RORB: variants seen among roughly 807,000 people sequenced by gnomAD.
RORB encodes nuclear receptor ROR-beta.
RORB carries 6 observed loss-of-function variants against 59.1 expected under a neutral mutation model. The observed-to-expected ratio is 0.10, with a 90% CI of 0.06 to 0.20. The LOEUF (loss-of-function observed/expected upper bound fraction) is 0.20. Ranked by LOEUF, RORB falls within the 10% of genes least tolerant of loss-of-function variation. RORB has a pLI of 1.00. For missense variants in RORB, 320 were observed against 560.5 expected, an observed-to-expected ratio of 0.57 and a Z score of 4.33; for synonymous variants, 215 against 204.5, an observed-to-expected ratio of 1.05 and a Z score of -0.44.
intron 1 of RORB, among the ~76,000 whole-genome samples, chr9:74,503,226 A>AT (rs1825825456): frequency 6.6e-6 from 1 of 151,992 alleles, no homozygotes; most frequent in Non-Finnish European, 1.5e-5. Context: ...TATTCCTGTA[A>AT]TTTTGTAATC....
At chr9:74,505,979 A>G (rs1825865434) in intron 1 of RORB, among the ~76,000 whole-genome samples, 1 of 151,920 alleles carries the variant, frequency 6.6e-6, no homozygotes, top group South Asian at 2.1e-4. Context: ...TGTTTTAAAA[A>G]AAAAAAAGTA....
At chr9:74,593,139 A>C (rs1822924271) in intron 1 of RORB, among the ~76,000 whole-genome samples, 2 of 152,140 alleles carry the variant, frequency 1.3e-5, no homozygotes, top group Admixed American at 1.3e-4. Flanking sequence ...TACTGATTGC[A>C]AGTCAGGCAC....
At chr9:74,530,362 A>T (rs184111644) in intron 1 of RORB, among the ~76,000 whole-genome samples, 53 of 152,152 alleles carry the variant, frequency 3.5e-4, no homozygotes, top group African/African-American at 1.1e-3. Flanking sequence ...AGTATCTGTA[A>T]AGGTGACACT....
At chr9:74,684,806 G>T (rs914523544) in intron 9 of RORB, among the ~76,000 whole-genome samples, 1 of 152,148 alleles carries the variant, frequency 6.6e-6, no homozygotes, top group Non-Finnish European at 1.5e-5. Flanking sequence ...CTCTACAAGT[G>T]GGTTAGTGAG....
At chr9:74,611,902 G>A (rs1199217866) in intron 1 of RORB, among the ~76,000 whole-genome samples, 3 of 151,982 alleles carry the variant, frequency 2.0e-5, no homozygotes, top group Non-Finnish European at 4.4e-5. Flanking sequence ...CACCCACCTC[G>A]GCCTCCCAAA....
Position 74,665,488 on chromosome 9 carries a change from G to T in RORB, c.893G>T (p.Gly298Val). ...QNDQILLLKS[G>V]CLEVVLVRMC... ...TTTTATTTTTATTTTTTACTCATAG[G>T]TTGCTTGGAAGTGGTTTTAGTGAGA... The change falls in exon 7 of 10, where the codon GGT (glycine) becomes GTT (valine). Residue 298 changes from glycine to valine, a missense_variant and splice_region_variant. Gly to Val is a moderately radical substitution (Grantham distance 109). Transcript: ENST00000376896. The T allele has an allele frequency of 6.3e-7, 1 of 1,581,496 alleles. No individual in the cohort carries two copies. Among genetic ancestry groups the T allele is most frequent in the Non-Finnish European group, 8.6e-7 (1 of 1,157,348 alleles).
chr9:74,564,198 G>C (rs1822438988), intron 1 of RORB, among the ~76,000 whole-genome samples: 1 of 152,138 alleles, frequency 6.6e-6, no homozygotes, highest in Non-Finnish European at 1.5e-5. Flanking sequence ...TAGCCCCTCT[G>C]AGTCTCTGTA....
chr9:74,596,231 C>T (rs1822969547), intron 1 of RORB, among the ~76,000 whole-genome samples: 2 of 152,172 alleles, frequency 1.3e-5, no homozygotes, highest in East Asian at 1.9e-4. Flanking sequence ...CCCCCAAGAA[C>T]AGCAGAGGGA....
At chr9:74,652,678 A>T (rs1014522298) in intron 4 of RORB, among the ~76,000 whole-genome samples, 7 of 152,196 alleles carry the variant, frequency 4.6e-5, no homozygotes, top group Non-Finnish European at 8.8e-5. Context: ...TCAGGTCTGC[A>T]TGAAGTAAAA....
intron 1 of RORB, among the ~76,000 whole-genome samples, chr9:74,529,537 G>C (rs992670073): frequency 1.3e-5 from 2 of 151,366 alleles, no homozygotes; most frequent in African/African-American, 4.8e-5. Flanking sequence ...ATAGTACTTG[G>C]CTCAATGACT....
At chr9:74,574,588 C>T (rs1435271230) in intron 1 of RORB, among the ~76,000 whole-genome samples, 1 of 152,074 alleles carries the variant, frequency 6.6e-6, no homozygotes, top group Non-Finnish European at 1.5e-5. Context: ...CCACCATCCA[C>T]ATTATAGTGC....
At chr9:74,540,078 C>T (rs1175915589) in intron 1 of RORB, among the ~76,000 whole-genome samples, 3 of 152,078 alleles carry the variant, frequency 2.0e-5, no homozygotes, top group Admixed American at 1.3e-4. Flanking sequence ...ACCTTTGCAC[C>T]TTCCTCTTCT....
intron 1 of RORB, among the ~76,000 whole-genome samples, chr9:74,506,956 T>C (rs1200532109): frequency 6.6e-6 from 1 of 152,116 alleles, no homozygotes; most frequent in Non-Finnish European, 1.5e-5. Context: ...CATGAATGAT[T>C]TCATTTCTTG....
At chr9:74,662,333 C>T in intron 5 of RORB, 141 bp from the exon 6 acceptor site, 3 of 768,592 alleles carry the variant, frequency 3.9e-6, no homozygotes, top group Non-Finnish European at 6.2e-6. Context: ...AAAGTAGTGC[C>T]CTCCTTTTTT....
At chr9:74,636,420 A>G (rs547608757) in intron 3 of RORB, among the ~76,000 whole-genome samples, 6 of 152,282 alleles carry the variant, frequency 3.9e-5, no homozygotes, top group African/African-American at 1.2e-4. Context: ...ATCATGGGCA[A>G]GAGATGAATA....
intron 1 of RORB, among the ~76,000 whole-genome samples, chr9:74,603,080 T>C (rs1226933404): frequency 1.3e-5 from 2 of 152,164 alleles, no homozygotes; most frequent in African/African-American, 4.8e-5. Context: ...AACTAGCTCC[T>C]AGGGGAAGGA....
At chr9:74,515,864 G>T (rs895594342) in intron 1 of RORB, among the ~76,000 whole-genome samples, 1 of 152,078 alleles carries the variant, frequency 6.6e-6, no homozygotes, top group Non-Finnish European at 1.5e-5. Context: ...CTTTCAAATT[G>T]TGTAGAATTT....
Position 74,576,694 on chromosome 9 carries a change from A to C in RORB, c.8-53588A>C, listed in dbSNP as rs191392525. Among the ~76,000 whole-genome samples the C allele has an allele frequency of 3.9e-5, 6 of 152,188 alleles. No individual in the cohort carries two copies. The East Asian group carries it at 1.2e-3, about 29-fold the overall frequency. ...TTTTTTGAACCCGCCTGGGAAAGCA[A>C]TTGGTGGGCTTAGAAAATGTTATTT... On this transcript the variant is annotated intron_variant, in intron 1 of 9. Coordinates refer to ENST00000376896, the MANE Select transcript of RORB (RefSeq NM_006914.4).
At chr9:74,617,081 C>G (rs1350185443) in intron 1 of RORB, among the ~76,000 whole-genome samples, 1 of 56,904 alleles carries the variant, frequency 1.8e-5, no homozygotes, top group Admixed American at 1.7e-4. Flanking sequence ...AATATTCCCA[C>G]CACCCGCTCC....
Sources: gnomAD v4.1 joint callset for allele counts (sites outside exome capture counted in the v4.1 genomes callset) on GRCh38, gnomAD v4.1.1 for gene constraint, MANE v1.5 for transcripts, NCBI Gene and HGNC (gene_info 2026-07-23, HGNC 2026-07-21) for gene names.